Variants in SLC30A6 observed in about 807,000 individuals in gnomAD.
SLC30A6 encodes solute carrier family 30 member 6.
In SLC30A6, 55 loss-of-function variants were observed where a neutral mutation model predicts 63.0. The observed-to-expected ratio is 0.87, with a 90% CI of 0.70 to 1.09. The LOEUF is 1.09. Among genes scored for constraint, SLC30A6 ranks in the 50% least tolerant of loss-of-function variants. SLC30A6 has a pLI of 0.00. For missense variants in SLC30A6, 587 were observed against 549.2 expected (o/e 1.07, Z -0.69); for synonymous variants, 224 against 186.1 (o/e 1.20, Z -1.66).
intron 4 of SLC30A6, among the ~76,000 whole-genome samples, chr2:32,180,765 A>G (rs1682236841): frequency 6.6e-6 from 1 of 152,230 alleles, no homozygotes; most frequent in Non-Finnish European, 1.5e-5. Context: ...ACTTTGGGGA[A>G]TAGTTACTAA....
chr2:32,179,803 T>C (rs1682124651), intron 4 of SLC30A6, among the ~76,000 whole-genome samples: 1 of 152,150 alleles, frequency 6.6e-6, no homozygotes, highest in Non-Finnish European at 1.5e-5. Context: ...TGCGTAAATA[T>C]ACATAGGAAA....
At chr2:32,166,193 A>G (rs1356140068) in intron 1 of SLC30A6, among the ~76,000 whole-genome samples, 2 of 152,242 alleles carry the variant, frequency 1.3e-5, no homozygotes, top group Non-Finnish European at 2.9e-5. Flanking sequence ...CTTTAAGGTA[A>G]TAAAAGTTTT....
In SLC30A6 at chr2:32,222,576, G is replaced by T. The variant is rs2148923899; in HGVS notation, c.*1863G>T. 6.6e-6 allele frequency: 1 copy of T among 152,258 alleles called. No individual in the cohort carries two copies. The highest frequency in any genetic ancestry group is 6.5e-5 in the Admixed American group (1 of 15,284). 9.4% of individuals were successfully genotyped at this position (152,258 alleles called of 1,614,324 possible). ...CTAAATACCTTTTTCTTAGTGAGGA[G>T]TTGGTCATTGTCTTTGGCATCTGCA... On this transcript the variant is annotated 3_prime_UTR_variant, in exon 14 of 14. Transcript: ENST00000282587.
intron 2 of SLC30A6, among the ~76,000 whole-genome samples, chr2:32,172,685 A>G (rs1362338157): frequency 3.3e-5 from 5 of 152,144 alleles, no homozygotes; most frequent in Non-Finnish European, 7.4e-5. Context: ...TCTCACTTTG[A>G]ATTCATGATC....
At chr2:32,206,448 A>G (rs1684783126) in intron 11 of SLC30A6, among the ~76,000 whole-genome samples, 2 of 152,140 alleles carry the variant, frequency 1.3e-5, no homozygotes, top group South Asian at 4.1e-4. Context: ...TCCAAAAAAA[A>G]AAAAGGCAGT....
intron 7 of SLC30A6, 43 bp from the exon 8 acceptor site, chr2:32,193,846 C>T: frequency 2.0e-6 from 3 of 1,502,534 alleles, no homozygotes; most frequent in Non-Finnish European, 2.8e-6. Flanking sequence ...ACTGATAATA[C>T]CAAGAACAAA....
At chr2:32,170,246 A>G (rs7581432) in intron 1 of SLC30A6, among the ~76,000 whole-genome samples, 72,999 of 152,036 alleles carry the variant, frequency 0.48, 17,801 homozygotes, top group East Asian at 0.63. Flanking sequence ...TTTAAAAATA[A>G]CAACAGAGTA....
chr2:32,188,688 A>C (rs561883011), intron 5 of SLC30A6, among the ~76,000 whole-genome samples: 1 of 149,702 alleles, frequency 6.7e-6, no homozygotes, highest in Non-Finnish European at 1.5e-5. Flanking sequence ...AAAATAAAAA[A>C]TAAAAAGCAA....
Position 32,202,986 on chromosome 2 carries a change from T to G in SLC30A6, c.666-1604T>G, listed in dbSNP as rs1573376301. The G allele has an allele frequency of 4.4e-6, 5 of 1,146,588 alleles. No individual in the cohort carries two copies. The East Asian group carries it at 1.2e-4, about 27-fold the overall frequency. 71.0% of individuals were successfully genotyped at this position (1,146,588 alleles called of 1,614,324 possible). On this transcript the variant is annotated intron_variant, in intron 10 of 13. Transcript: ENST00000282587. Reference sequence around the variant, plus strand: ...GTCTGAAGGGACGGCTATTATTTTCTGTGAGACCCAGAGGAGTGTAACTGA... The same window carrying G: ...GTCTGAAGGGACGGCTATTATTTTCGGTGAGACCCAGAGGAGTGTAACTGA...
At chr2:32,203,192 T>C in intron 10 of SLC30A6, 1 of 1,181,050 alleles carries the variant, frequency 8.5e-7, no homozygotes, top group African/African-American at 1.5e-5. Flanking sequence ...TTCATGGTTC[T>C]CCTCCTCAGG....
At chr2:32,194,341 T>C (rs1037433760) in intron 8 of SLC30A6, among the ~76,000 whole-genome samples, 40 of 152,220 alleles carry the variant, frequency 2.6e-4, no homozygotes, top group Non-Finnish European at 5.6e-4. Context: ...TCTTAGTTGA[T>C]ATGCTAATTG....
chr2:32,173,960 A>G, intron 2 of SLC30A6, 103 bp from the exon 3 acceptor site: 1 of 781,128 alleles, frequency 1.3e-6, no homozygotes, highest in Non-Finnish European at 2.0e-6. Context: ...GAAGGAAGTT[A>G]TGTTTATTCC....
intron 5 of SLC30A6, 121 bp downstream of exon 5, chr2:32,184,459 A>T (rs1342388516): frequency 2.1e-6 from 1 of 483,944 alleles, no homozygotes; most frequent in African/African-American, 2.0e-5. Flanking sequence ...TAGTGAAATG[A>T]TGATCAGATA....
intron 10 of SLC30A6, among the ~76,000 whole-genome samples, chr2:32,198,775 G>A (rs1335112516): frequency 6.6e-6 from 1 of 152,110 alleles, no homozygotes; most frequent in African/African-American, 2.4e-5. Context: ...ATAGAGATGA[G>A]GTTTTGCCAT....
intron 13 of SLC30A6, among the ~76,000 whole-genome samples, chr2:32,210,799 C>T (rs1685197886): frequency 6.6e-6 from 1 of 152,010 alleles, no homozygotes; most frequent in Non-Finnish European, 1.5e-5. Context: ...TCACCTCCAC[C>T]TTCCCCAACT....
At chr2:32,167,685 T>C (rs951172769) in intron 1 of SLC30A6, among the ~76,000 whole-genome samples, 3 of 151,816 alleles carry the variant, frequency 2.0e-5, no homozygotes, top group Non-Finnish European at 4.4e-5. Flanking sequence ...CACACACCAG[T>C]TTTGTTACAT....
intron 4 of SLC30A6, among the ~76,000 whole-genome samples, chr2:32,178,112 T>G (rs1004588021): frequency 6.6e-6 from 1 of 151,848 alleles, no homozygotes; most frequent in Non-Finnish European, 1.5e-5. Context: ...CACGCTTGGC[T>G]AATTTTTGGT....
rs1250451456 is a variant in SLC30A6 at position 32,209,449 on chromosome 2, G to C, written c.817-44G>C. On this transcript the variant is annotated intron_variant, in intron 12 of 13. Transcript: ENST00000282587. ...AATGTGACTAAACTGCATTGGATAT[G>C]TTAAGTACAGACAACTCTGATCACC... 4 of 1,496,994 alleles carry C rather than the reference G, an allele frequency of 2.7e-6. No homozygotes were observed. In the African/African-American group the frequency reaches 5.6e-5, roughly 21 times the overall value. 92.7% of individuals were successfully genotyped at this position (1,496,994 alleles called of 1,614,324 possible).
intron 1 of SLC30A6, among the ~76,000 whole-genome samples, chr2:32,166,843 G>C (rs754587014): frequency 6.6e-6 from 1 of 152,176 alleles, no homozygotes; most frequent in Non-Finnish European, 1.5e-5. Context: ...CAGAAAATGG[G>C]TAAAAGTTTA....
Sources: gnomAD v4.1 joint callset for allele counts (sites outside exome capture counted in the v4.1 genomes callset) on GRCh38, gnomAD v4.1.1 for gene constraint, MANE v1.5 for transcripts, NCBI Gene and HGNC (gene_info 2026-07-23, HGNC 2026-07-21) for gene names.